Variants in MEI4 observed in about 807,000 individuals in gnomAD.
The protein encoded by MEI4 is meiotic double-stranded break formation protein 4.
Under a neutral mutation model 31.4 loss-of-function variants are expected in MEI4, and 27 were observed. The observed-to-expected ratio is 0.86, with a 90% confidence interval of 0.63 to 1.19. The LOEUF (loss-of-function observed/expected upper bound fraction) is 1.19, where lower values mean the gene tolerates loss of function less well. Among genes scored for constraint, MEI4 ranks in the 50% most tolerant of loss-of-function variants. MEI4 has a pLI of 0.00. For synonymous variants in MEI4, 122 were observed against 145.4 expected, an observed-to-expected ratio of 0.84 and a Z score of 1.16; for missense variants, 329 against 398.9, an observed-to-expected ratio of 0.82 and a Z score of 1.49.
At chr6:77,912,832 G>A (rs888178862) in intron 4 of MEI4, among the ~76,000 whole-genome samples, 1 of 151,980 alleles carries the variant, frequency 6.6e-6, no homozygotes, top group African/African-American at 2.4e-5. Flanking sequence ...AGGACTTCTA[G>A]TACTATGTGG....
chr6:77,793,167 C>A (rs1023933079), intron 3 of MEI4, among the ~76,000 whole-genome samples: 1 of 152,018 alleles, frequency 6.6e-6, no homozygotes, highest in South Asian at 2.1e-4. Context: ...GGAGACTAAT[C>A]ACATACAAGT....
chr6:77,888,030 C>A (rs969163413), intron 4 of MEI4, among the ~76,000 whole-genome samples: 6 of 152,150 alleles, frequency 3.9e-5, no homozygotes, highest in African/African-American at 1.4e-4. Flanking sequence ...CTGTCCTCAT[C>A]TCCTTTTATA....
intron 4 of MEI4, among the ~76,000 whole-genome samples, chr6:77,887,201 A>T (rs896922799): frequency 4.1e-5 from 6 of 145,122 alleles, no homozygotes; most frequent in South Asian, 4.4e-4. Context: ...TTCCTTCTTA[A>T]TTTTTTCATT....
At chr6:77,848,904 G>A (rs1352754942) in intron 4 of MEI4, among the ~76,000 whole-genome samples, 1 of 152,024 alleles carries the variant, frequency 6.6e-6, no homozygotes, top group African/African-American at 2.4e-5. Flanking sequence ...TTACTATGGG[G>A]GAAGTGTGAT....
intron 4 of MEI4, among the ~76,000 whole-genome samples, chr6:77,862,850 A>G (rs1317401562): frequency 2.0e-5 from 3 of 152,168 alleles, no homozygotes; most frequent in East Asian, 1.9e-4. Context: ...GACACGTCAC[A>G]TGGCTGGGTA....
At chr6:77,774,186 G>A (rs1288533017) in intron 3 of MEI4, among the ~76,000 whole-genome samples, 1 of 151,888 alleles carries the variant, frequency 6.6e-6, no homozygotes, top group Non-Finnish European at 1.5e-5. Context: ...AAGGAAATCA[G>A]TACATCAAAG....
chr6:77,793,251 C>T (rs1768987731), intron 3 of MEI4, among the ~76,000 whole-genome samples: 1 of 152,096 alleles, frequency 6.6e-6, no homozygotes, highest in Non-Finnish European at 1.5e-5. Flanking sequence ...ATTATATATT[C>T]TAAGTGCTGA....
intron 1 of MEI4, among the ~76,000 whole-genome samples, chr6:77,689,533 A>C (rs1421965195): frequency 6.6e-6 from 1 of 151,952 alleles, no homozygotes; most frequent in African/African-American, 2.4e-5. Flanking sequence ...GACCTGAGAA[A>C]ATTTTATATG....
chr6:77,910,575 A>G (rs1267403034), intron 4 of MEI4, among the ~76,000 whole-genome samples: 1 of 152,174 alleles, frequency 6.6e-6, no homozygotes, highest in East Asian at 1.9e-4. Context: ...AAATGGAAGA[A>G]CATTCCACGC....
chr6:77,812,012 C>T (rs1769584545), intron 3 of MEI4, among the ~76,000 whole-genome samples: 1 of 151,880 alleles, frequency 6.6e-6, no homozygotes, highest in Non-Finnish European at 1.5e-5. Flanking sequence ...TTTTAGGATC[C>T]TGAGAGATGT....
At chr6:77,685,582 G>T (rs1457555548) in intron 1 of MEI4, among the ~76,000 whole-genome samples, 11 of 151,978 alleles carry the variant, frequency 7.2e-5, no homozygotes, top group Non-Finnish European at 1.3e-4. Context: ...TTTTACTTTT[G>T]TTGCCTGTCC....
intron 3 of MEI4, among the ~76,000 whole-genome samples, chr6:77,782,984 T>G (rs866074711): frequency 6.6e-6 from 1 of 151,980 alleles, no homozygotes; most frequent in Non-Finnish European, 1.5e-5. Flanking sequence ...TATTATGTTT[T>G]TTTGAAAATC....
chr6:77,813,613 C>G (rs1769624857), intron 3 of MEI4, among the ~76,000 whole-genome samples: 3 of 151,856 alleles, frequency 2.0e-5, no homozygotes, highest in Admixed American at 2.0e-4. Context: ...TCATGTCATC[C>G]TAATATGCAG....
chr6:77,698,444 C>A (rs901083866), intron 2 of MEI4, among the ~76,000 whole-genome samples: 2 of 152,202 alleles, frequency 1.3e-5, no homozygotes, highest in Non-Finnish European at 2.9e-5. Context: ...CCTTCAGGAG[C>A]TCTTTTAGGG....
chr6:77,840,465 A>C (rs1462148105), intron 4 of MEI4, among the ~76,000 whole-genome samples: 1 of 152,196 alleles, frequency 6.6e-6, no homozygotes, highest in African/African-American at 2.4e-5. Context: ...AGGCTTTACA[A>C]ATTTGGAGAA....
Position 77,789,425 on chromosome 6 carries a change from T to C in MEI4, c.768+27760T>C, listed in dbSNP as rs144114247. ...CAAATGGGATCTAATTAAGCTAAAG[T>C]GTTCCTGCACAGCAAAAGAAACTAC... On this transcript the variant is annotated intron_variant, in intron 3 of 4. Transcript: ENST00000684080. Among the ~76,000 whole-genome samples the C allele has an allele frequency of 2.7e-3, 412 of 152,198 alleles. 1 individual carries two copies. The highest frequency in any genetic ancestry group is 9.7e-3 in the African/African-American group (403 of 41,534).
At position 77,734,405 on chromosome 6, in the gene MEI4, G is replaced by C. The variant is rs201759903; in HGVS notation, c.233-26725G>C. Among the ~76,000 whole-genome samples, 27 of 152,048 alleles carry C rather than the reference G, an allele frequency of 1.8e-4. 1 individual carries two copies. Among genetic ancestry groups the C allele is most frequent in the African/African-American group, 5.6e-4 (23 of 41,394 alleles). ...ACCATTATGTAATGGCCTTCTTTGTGTCTTTTGATCTTTGTTGGTTTAAAG... is the reference window on the plus strand; with the variant it reads ...ACCATTATGTAATGGCCTTCTTTGTCTCTTTTGATCTTTGTTGGTTTAAAG... On this transcript the variant is annotated intron_variant, in intron 2 of 4. Transcript: ENST00000684080.
intron 4 of MEI4, among the ~76,000 whole-genome samples, chr6:77,906,587 G>T (rs1018035627): frequency 2.0e-5 from 3 of 152,156 alleles, no homozygotes; most frequent in Non-Finnish European, 4.4e-5. Context: ...AGTTGTAATT[G>T]AATAAATCCA....
At chr6:77,863,019 C>T (rs938484867) in intron 4 of MEI4, among the ~76,000 whole-genome samples, 8 of 152,202 alleles carry the variant, frequency 5.3e-5, no homozygotes, top group Non-Finnish European at 1.0e-4. Context: ...AAGGTCTTGA[C>T]TGTTAGAAGG....
Sources: gnomAD v4.1 joint callset for allele counts (sites outside exome capture counted in the v4.1 genomes callset) on GRCh38, gnomAD v4.1.1 for gene constraint, MANE v1.5 for transcripts, NCBI Gene and HGNC (gene_info 2026-07-23, HGNC 2026-07-21) for gene names.